Variants in RBMS1 observed in about 807,000 individuals in gnomAD.
The protein encoded by RBMS1 is RNA binding motif single stranded interacting protein 1.
Under a neutral mutation model 62.3 loss-of-function variants are expected in RBMS1, and 17 were observed. That is an observed-to-expected ratio of 0.27 (90% CI 0.19 to 0.41). The LOEUF (loss-of-function observed/expected upper bound fraction) is 0.41, where lower values mean the gene tolerates loss of function less well. Ranked by LOEUF, RBMS1 falls within the 10% of genes least tolerant of loss-of-function variation. The pLI is 1.00. For synonymous variants in RBMS1, 172 were observed against 170.0 expected (o/e 1.01, Z -0.09); for missense variants, 334 against 504.5 (o/e 0.66, Z 3.24).
chr2:160,296,675 T>C (rs916721567), intron 6 of RBMS1, among the ~76,000 whole-genome samples: 5 of 152,214 alleles, frequency 3.3e-5, no homozygotes, highest in Non-Finnish European at 5.9e-5. Context: ...ATATTCTATA[T>C]TGCCTCTGTG....
chr2:160,439,731 C>A (rs958823315), intron 1 of RBMS1, among the ~76,000 whole-genome samples: 1 of 152,174 alleles, frequency 6.6e-6, no homozygotes, highest in Non-Finnish European at 1.5e-5. Context: ...TGTAGCAAGC[C>A]GAGATCATGC....
At chr2:160,301,195 G>C (rs1450205649) in intron 5 of RBMS1, among the ~76,000 whole-genome samples, 1 of 152,202 alleles carries the variant, frequency 6.6e-6, no homozygotes, top group Non-Finnish European at 1.5e-5. Context: ...GCCAGTATCA[G>C]TGAGAGGGTG....
Position 160,303,336 on chromosome 2 carries a change from A to C in RBMS1, c.554T>G (p.Phe185Cys), listed in dbSNP as rs1303540647. The C allele has an allele frequency of 6.2e-7, 1 of 1,601,682 alleles. No individual in the cohort carries two copies. The part of the protein sequence containing the change: ...DSSGTSRGVG[F>C]ARMESTEKCE... ...GACTGGGCAGAAGGCTTACCTAGCAAAGCCAACACCACGACTTGTACCACT... is the reference window on the plus strand; with the variant it reads ...GACTGGGCAGAAGGCTTACCTAGCACAGCCAACACCACGACTTGTACCACT... The change falls in exon 5 of 14, where the codon TTT becomes TGT. Residue 185 changes from phenylalanine to cysteine, a missense_variant. Phe to Cys is a radical substitution (Grantham distance 205). Transcript: ENST00000348849.
chr2:160,285,222 G>A (rs552359550), intron 7 of RBMS1, among the ~76,000 whole-genome samples, 178 bp from the exon 8 acceptor site: 2 of 152,016 alleles, frequency 1.3e-5, no homozygotes, highest in Admixed American at 1.3e-4. Context: ...TTACATCACT[G>A]CACTCCAGCC....
chr2:160,341,473 A>G (rs779141745), intron 2 of RBMS1, among the ~76,000 whole-genome samples: 15 of 152,140 alleles, frequency 9.9e-5, no homozygotes, highest in Non-Finnish European at 1.9e-4. Flanking sequence ...ACCACTGTCA[A>G]TGACAGAAAG....
chr2:160,421,496 C>T (rs1283546639), intron 1 of RBMS1, among the ~76,000 whole-genome samples: 1 of 152,148 alleles, frequency 6.6e-6, no homozygotes, highest in African/African-American at 2.4e-5. Context: ...TTTATGGCTG[C>T]ATAGTATTCC....
chr2:160,334,230 A>T (rs1240448006), intron 2 of RBMS1, among the ~76,000 whole-genome samples: 1 of 152,208 alleles, frequency 6.6e-6, no homozygotes, highest in African/African-American at 2.4e-5. Context: ...TAGGTGCTCA[A>T]CAAAATATTT....
chr2:160,382,281 A>C (rs1213570400), intron 1 of RBMS1, among the ~76,000 whole-genome samples: 3 of 152,240 alleles, frequency 2.0e-5, no homozygotes, highest in African/African-American at 7.2e-5. Flanking sequence ...TGCATTAATC[A>C]TATCATTTTC....
chr2:160,358,087 G>A (rs773596732), intron 2 of RBMS1, among the ~76,000 whole-genome samples: 2 of 152,084 alleles, frequency 1.3e-5, no homozygotes, highest in Non-Finnish European at 2.9e-5. Flanking sequence ...TCTATATTTC[G>A]CTTACCCAAG....
chr2:160,282,498 G>A, intron 9 of RBMS1: 1 of 363,930 alleles, frequency 2.7e-6, no homozygotes, highest in African/African-American at 2.1e-5. Flanking sequence ...TATATGATGG[G>A]AAGGCAAACA....
intron 2 of RBMS1, among the ~76,000 whole-genome samples, chr2:160,318,464 A>G (rs1369416515): frequency 6.6e-6 from 1 of 152,188 alleles, no homozygotes; most frequent in African/African-American, 2.4e-5. Context: ...TTTGAAGTTC[A>G]ACTCTGAAGA....
chr2:160,316,052 TTAATATTC>T (rs1417803469), intron 3 of RBMS1, among the ~76,000 whole-genome samples: 1 of 152,204 alleles, frequency 6.6e-6, no homozygotes, highest in African/African-American at 2.4e-5. Flanking sequence ...TTCATTTATA[TTAATATTC>T]TATAATCTTT....
At chr2:160,386,699 AAG>A (rs1694597185) in intron 1 of RBMS1, among the ~76,000 whole-genome samples, 2 of 152,142 alleles carry the variant, frequency 1.3e-5, no homozygotes, top group South Asian at 4.2e-4. Flanking sequence ...TACCACCCAG[AAG>A]AGAGCCCTCA....
At chr2:160,299,796 G>C (rs1689119639) in intron 6 of RBMS1, among the ~76,000 whole-genome samples, 1 of 152,144 alleles carries the variant, frequency 6.6e-6, no homozygotes, top group African/African-American at 2.4e-5. Context: ...GTTAGGTAGG[G>C]GACTGAGCAG....
intron 1 of RBMS1, among the ~76,000 whole-genome samples, chr2:160,431,779 T>G (rs1254931975): frequency 2.0e-5 from 3 of 152,160 alleles, no homozygotes; most frequent in African/African-American, 4.8e-5. Flanking sequence ...CTTTGCCTAG[T>G]TAACTCCAAC....
intron 10 of RBMS1, among the ~76,000 whole-genome samples, chr2:160,280,936 T>C (rs1438330096): frequency 6.6e-6 from 1 of 152,218 alleles, no homozygotes; most frequent in Admixed American, 6.5e-5. Context: ...GTAACACTGA[T>C]GAAAATCTTC....
intron 1 of RBMS1, among the ~76,000 whole-genome samples, chr2:160,394,318 T>C (rs866435774): frequency 1.4e-4 from 21 of 152,224 alleles, no homozygotes; most frequent in African/African-American, 4.6e-4. Context: ...GTTTCTTCTA[T>C]ACAGGAACTT....
chr2:160,467,479 G>T (rs905934017), intron 1 of RBMS1, among the ~76,000 whole-genome samples: 3 of 152,158 alleles, frequency 2.0e-5, no homozygotes, highest in Non-Finnish European at 4.4e-5. Flanking sequence ...CGTCAGAGAG[G>T]TTTAGCAGAA....
At chr2:160,392,471 A>C (rs76560532) in intron 1 of RBMS1, among the ~76,000 whole-genome samples, 1,847 of 152,204 alleles carry the variant, frequency 0.012, 23 homozygotes, top group East Asian at 0.022. Context: ...AAAAAAAAAA[A>C]AACCCTGATC....
Sources: gnomAD v4.1 joint callset for allele counts (sites outside exome capture counted in the v4.1 genomes callset) on GRCh38, gnomAD v4.1.1 for gene constraint, MANE v1.5 for transcripts, NCBI Gene and HGNC (gene_info 2026-07-23, HGNC 2026-07-21) for gene names.